The following DMPK variants were observed in gnomAD, a reference collection of about 807,000 sequenced individuals.
DMPK encodes the protein myotonin-protein kinase.
Under a neutral mutation model 70.3 loss-of-function variants are expected in DMPK, and 32 were observed. That is an observed-to-expected ratio of 0.46 (90% CI 0.34 to 0.61). The LOEUF (loss-of-function observed/expected upper bound fraction) is 0.61. Among genes scored for constraint, DMPK ranks in the 20% least tolerant of loss-of-function variants. The pLI is 0.01. For missense variants in DMPK, 899 were observed against 886.0 expected (o/e 1.01, Z -0.19); for synonymous variants, 469 against 390.9 (o/e 1.20, Z -2.36).
In DMPK at chr19:45,770,910, G is replaced by C. The variant is rs1168508265; in HGVS notation, c.1737+61C>G. 8.0e-6 allele frequency: 10 copies of C among 1,244,424 alleles called. No individual in the cohort carries two copies. In the East Asian group the frequency reaches 2.8e-4, roughly 35 times the overall value. 77.1% of individuals were successfully genotyped at this position (1,244,424 alleles called of 1,614,324 possible). A position where few individuals can be genotyped will look rare whatever the true frequency, so the allele number is the denominator to read the frequency against. On this transcript the variant is annotated intron_variant, in intron 14 of 14. Transcript: ENST00000291270. ...CCGCAAATGCGCAGCTAAGCGGGTG[G>C]CAAGGGGCGGGTGGAGCGCGGGGCG...
intron 1 of DMPK, among the ~76,000 whole-genome samples, chr19:45,781,891 G>A (rs1183916625): frequency 6.6e-6 from 1 of 152,188 alleles, no homozygotes; most frequent in African/African-American, 2.4e-5. Context: ...TGACCCTGAG[G>A]CGGGGTGCAG....
intron 13 of DMPK, 54 bp from the exon 14 acceptor site, chr19:45,771,114 G>T: frequency 7.1e-7 from 1 of 1,408,200 alleles, no homozygotes; most frequent in Non-Finnish European, 9.7e-7. Flanking sequence ...GCCCTCAGCG[G>T]TGGGGCGAGA....
chr19:45,770,893 G>A (rs1485872009), intron 14 of DMPK, 78 bp downstream of exon 14: 3 of 1,163,076 alleles, frequency 2.6e-6, no homozygotes, highest in Admixed American at 3.2e-5. Flanking sequence ...CCCCGCAAAT[G>A]CGCAGCTAAG....
At chr19:45,778,808 C>A (rs891834327) in intron 4 of DMPK, 167 bp from the exon 5 acceptor site, 4 of 684,576 alleles carry the variant, frequency 5.8e-6, no homozygotes, top group Non-Finnish European at 7.2e-6. Flanking sequence ...AGACCACCTG[C>A]GGCCCCCGCC....
In DMPK at chr19:45,770,466, G is replaced by A. The variant is rs999340732; in HGVS notation, c.*22C>T. On this transcript the variant is annotated 3_prime_UTR_variant, in exon 15 of 15. Coordinates refer to ENST00000291270, the MANE Select transcript of DMPK (RefSeq NM_004409.5). The stretch of plus-strand genomic sequence containing the variant: ...CACTCAGTCTTCCAACGGGGCCCCG[G>A]AGTCGAAGACAGTTCTAGGGTTCAG... The A allele has an allele frequency of 3.9e-6, 6 of 1,549,516 alleles. No homozygotes were observed. In the African/African-American group the frequency reaches 4.1e-5, roughly 11 times the overall value.
intron 14 of DMPK, 112 bp downstream of exon 14, chr19:45,770,859 T>A (rs1969365265): frequency 2.0e-6 from 2 of 1,009,822 alleles, no homozygotes; most frequent in African/African-American, 3.3e-5. Flanking sequence ...TGCCCGAAGA[T>A]CCGCCCTCCT....
intron 1 of DMPK, 79 bp from the exon 2 acceptor site, chr19:45,779,948 T>C (rs769410837): frequency 1.9e-6 from 3 of 1,603,932 alleles, no homozygotes; most frequent in African/African-American, 2.7e-5. Flanking sequence ...CCACCCTCTG[T>C]CTGTCTCCCC....
chr19:45,782,153 C>T, intron 1 of DMPK, 40 bp downstream of exon 1: 4 of 1,120,360 alleles, frequency 3.6e-6, no homozygotes, highest in Non-Finnish European at 4.9e-6. Flanking sequence ...CCTGCCCCAC[C>T]CCCACCCCAT....
At position 45,769,730 on chromosome 19, in the gene DMPK, A is replaced by AG. The variant is rs1285780573; in HGVS notation, c.*757dup. 1 of 144,386 alleles carries AG rather than the reference A, an allele frequency of 6.9e-6. No individual in the cohort carries two copies. The highest frequency in any genetic ancestry group is 1.4e-5 in the Non-Finnish European group (1 of 70,442). 8.9% of individuals were successfully genotyped at this position (144,386 alleles called of 1,614,324 possible). A position where few individuals can be genotyped will look rare whatever the true frequency, so the allele number is the denominator to read the frequency against. ...GGAGTCCAGAGCTTTGGGCAGATGG[A>AG]GGGCCTTTTATTCGCGAGGGTCGGG... On this transcript the variant is annotated 3_prime_UTR_variant, in exon 15 of 15. Transcript: ENST00000291270.
chr19:45,775,226 G>A (rs960789822), intron 8 of DMPK, 192 bp from the exon 9 acceptor site: 4 of 540,144 alleles, frequency 7.4e-6, no homozygotes, highest in Non-Finnish European at 1.3e-5. Context: ...GGAGTGCAGT[G>A]GTGCAATCTC....
rs369216416 is a variant in DMPK, at chr19:45,771,683, C to T, written c.1503-18G>A. ...GTAGTTGACTGTGGGGAGGTAAGGA[C>T]GGTGAGTCCGTCCGGGCCGGACGAG... On this transcript the variant is annotated intron_variant, in intron 11 of 14. Transcript: ENST00000291270. The T allele has an allele frequency of 1.4e-5, 22 of 1,613,536 alleles. No individual in the cohort carries two copies. In the African/African-American group the frequency reaches 1.7e-4, roughly 13 times the overall value.
Position 45,777,253 on chromosome 19 carries a change from ACT to A in DMPK, c.1146+72_1146+73del. 6.8e-7 allele frequency: 1 copy of A among 1,470,738 alleles called. No homozygotes were observed. Among genetic ancestry groups the A allele is most frequent in the Non-Finnish European group, 9.0e-7 (1 of 1,112,132 alleles). 91.1% of individuals were successfully genotyped at this position (1,470,738 alleles called of 1,614,324 possible). On this transcript the variant is annotated intron_variant, in intron 8 of 14. Transcript: ENST00000291270. The surrounding 1 kb of genome is among the most constrained non-coding windows in gnomAD (Gnocchi z 6.7). Reference sequence around the variant, plus strand: ...TGATTCAGGACCCCAGAAGGTAGGCACTGTCCTTACTCCAACTTTATGGAGGG... The same window carrying A: ...TGATTCAGGACCCCAGAAGGTAGGCAGTCCTTACTCCAACTTTATGGAGGG...
rs569456096 is a variant in DMPK at position 45,777,258 on chromosome 19, C to T, written c.1146+69G>A. ...CAGGACCCCAGAAGGTAGGCACTGT[C>T]CTTACTCCAACTTTATGGAGGGAGC... On this transcript the variant is annotated intron_variant, in intron 8 of 14. Transcript: ENST00000291270. The surrounding 1 kb of genome is among the most constrained non-coding windows in gnomAD (Gnocchi z 6.7). The T allele has an allele frequency of 2.2e-5, 33 of 1,482,290 alleles. No individual in the cohort carries two copies. The highest frequency in any genetic ancestry group is 2.5e-5 in the Admixed American group (1 of 40,264). The allele number at this position is 1,482,290 out of a possible 1,614,324, so 91.8% of individuals were successfully genotyped here.
At position 45,782,482 on chromosome 19, in the gene DMPK, G is replaced by A; in HGVS notation, c.-130C>T. 9.5e-7 allele frequency: 1 copy of A among 1,048,082 alleles called. No individual in the cohort carries two copies. The highest frequency in any genetic ancestry group is 2.8e-5 in the East Asian group (1 of 35,178). The allele number at this position is 1,048,082 out of a possible 1,614,324, so 64.9% of individuals were successfully genotyped here. A position where few individuals can be genotyped will look rare whatever the true frequency, so the allele number is the denominator to read the frequency against. On this transcript the variant is annotated 5_prime_UTR_variant, in exon 1 of 15. Transcript: ENST00000291270. The stretch of plus-strand genomic sequence containing the variant: ...TCTGCCTGTCCCTGGCTGTCCCCTG[G>A]GCCTCTCTGGCCACTTCTCTCTGCG...
In DMPK at chr19:45,782,481, G is replaced by C; in HGVS notation, c.-129C>G. 1 of 1,084,562 alleles carries C rather than the reference G, an allele frequency of 9.2e-7. No individual in the cohort carries two copies. Among genetic ancestry groups the C allele is most frequent in the Admixed American group, 3.0e-5 (1 of 32,828 alleles). The allele number at this position is 1,084,562 out of a possible 1,614,324, so 67.2% of individuals were successfully genotyped here. A position where few individuals can be genotyped will look rare whatever the true frequency, so the allele number is the denominator to read the frequency against. On this transcript the variant is annotated 5_prime_UTR_variant, in exon 1 of 15. Coordinates refer to ENST00000291270, the MANE Select transcript of DMPK (RefSeq NM_004409.5). The stretch of plus-strand genomic sequence containing the variant: ...GTCTGCCTGTCCCTGGCTGTCCCCT[G>C]GGCCTCTCTGGCCACTTCTCTCTGC...
At chr19:45,771,489 G>A (rs994257504) in intron 12 of DMPK, 79 bp downstream of exon 12, 1 of 1,610,126 alleles carries the variant, frequency 6.2e-7, no homozygotes, top group Non-Finnish European at 8.5e-7. Context: ...CCCTCCTCCA[G>A]GTGTCTATAC....
chr19:45,771,209 G>T, intron 13 of DMPK, 141 bp downstream of exon 13: 1 of 1,268,598 alleles, frequency 7.9e-7, no homozygotes, highest in Non-Finnish European at 1.1e-6. Flanking sequence ...GGGAGATCTG[G>T]GGCTGAATAA....
chr19:45,772,702 A>G lies in DMPK; in HGVS notation c.1283T>C (p.Leu428Pro). ...GGGCGCTTGCACGTGTGGCTCAAGC[A>G]GCTGCTCGGCCTCCAGTTCCATGGG... ...PTPMELEAEQLLEPHVQAPSL... is the reference protein window; with the variant it reads ...PTPMELEAEQPLEPHVQAPSL... Residue 428 changes from leucine (L) to proline (P), a missense_variant, in exon 10 of 15, where the codon CTG becomes CCG. Coordinates refer to ENST00000291270, the MANE Select transcript of DMPK (RefSeq NM_004409.5). The G allele has an allele frequency of 6.6e-7, 1 of 1,522,926 alleles. No individual in the cohort carries two copies. Among genetic ancestry groups the G allele is most frequent in the Non-Finnish European group, 8.7e-7 (1 of 1,146,884 alleles). 94.3% of individuals were successfully genotyped at this position (1,522,926 alleles called of 1,614,324 possible).
In DMPK at chr19:45,777,260, T is replaced by A; in HGVS notation, c.1146+67A>T. ...GGACCCCAGAAGGTAGGCACTGTCC[T>A]TACTCCAACTTTATGGAGGGAGCAT... On this transcript the variant is annotated intron_variant, in intron 8 of 14. Transcript: ENST00000291270. This position sits in a 1 kb window ranked among gnomAD's most constrained non-coding sequence, Gnocchi z 6.7. 6.7e-7 allele frequency: 1 copy of A among 1,485,210 alleles called. No individual in the cohort carries two copies. Among genetic ancestry groups the A allele is most frequent in the Non-Finnish European group, 8.9e-7 (1 of 1,119,392 alleles). The allele number at this position is 1,485,210 out of a possible 1,614,324, so 92.0% of individuals were successfully genotyped here. A position where few individuals can be genotyped will look rare whatever the true frequency, so the allele number is the denominator to read the frequency against.
Sources: allele counts gnomAD v4.1 joint callset (sites outside exome capture counted in the v4.1 genomes callset), GRCh38; gene constraint gnomAD v4.1.1; non-coding constraint Gnocchi (gnomAD v3.1); transcripts MANE v1.5; gene names NCBI Gene and HGNC (gene_info 2026-07-23, HGNC 2026-07-21).